ELFN2: variants seen among roughly 807,000 people sequenced by gnomAD.
The protein encoded by ELFN2 is protein phosphatase 1 regulatory subunit 29.
In ELFN2, 17 loss-of-function variants were observed where a neutral mutation model predicts 45.5. The observed-to-expected ratio is 0.37, with a 90% CI of 0.26 to 0.56. ELFN2 has a LOEUF of 0.56. Ranked by LOEUF, ELFN2 falls within the 20% of genes least tolerant of loss-of-function variation. The pLI, the probability that ELFN2 is intolerant of heterozygous loss-of-function variation, is 0.77. For synonymous variants in ELFN2, 550 were observed against 551.5 expected (o/e 1.00, Z 0.04); for missense variants, 922 against 1,183.2 (o/e 0.78, Z 3.24).
chr22:37,401,019 C>T (rs141097963), intron 2 of ELFN2, among the ~76,000 whole-genome samples: 17 of 152,360 alleles, frequency 1.1e-4, no homozygotes, highest in African/African-American at 3.4e-4. Context: ...ATGACCTCAA[C>T]AGACATGGCA....
chr22:37,386,359 T>C (rs917348299), intron 2 of ELFN2, among the ~76,000 whole-genome samples: 1 of 152,160 alleles, frequency 6.6e-6, no homozygotes, highest in African/African-American at 2.4e-5. Context: ...GACACCTGCC[T>C]GCTACGCCCC....
intron 1 of ELFN2, among the ~76,000 whole-genome samples, chr22:37,343,717 C>T (rs1241483374): frequency 2.0e-5 from 3 of 150,580 alleles, no homozygotes; most frequent in Admixed American, 6.6e-5. Context: ...ACCCACCCCC[C>T]CCGGACCCCA....
rs567728565 is a variant in ELFN2 at position 37,407,928 on chromosome 22, C to T, written c.-463+9841G>A. 2.6e-5 allele frequency among the ~76,000 whole-genome samples: 4 copies of T among 152,230 alleles called. No individual in the cohort carries two copies. The South Asian group carries it at 8.3e-4, about 32-fold the overall frequency. ...AAAGAAAGCGAGAAAAGGCCCCACC[C>T]AGCAATTAAACTGCAGATAATCCCA... On this transcript the variant is annotated intron_variant, in intron 2 of 2. Coordinates refer to ENST00000402918, the MANE Select transcript of ELFN2 (RefSeq NM_052906.5).
intron 1 of ELFN2, among the ~76,000 whole-genome samples, chr22:37,426,218 G>A (rs1408063748): frequency 6.6e-6 from 1 of 152,148 alleles, no homozygotes. Context: ...CGAGTACCAC[G>A]TTCCTCCCCA....
chr22:37,356,848 G>A (rs559168360), intron 1 of ELFN2, among the ~76,000 whole-genome samples: 3 of 152,184 alleles, frequency 2.0e-5, no homozygotes, highest in East Asian at 1.9e-4. Context: ...CAATATCATC[G>A]TCTTTTTAGG....
chr22:37,412,309 G>GAAAAA (rs1569143337), intron 2 of ELFN2, among the ~76,000 whole-genome samples: 8 of 148,390 alleles, frequency 5.4e-5, no homozygotes, highest in African/African-American at 2.0e-4. Context: ...AGAAAGAAAA[G>GAAAAA]GAAAAAAGAA....
intron 1 of ELFN2, among the ~76,000 whole-genome samples, chr22:37,423,603 AC>A (rs1932826631): frequency 6.6e-6 from 1 of 152,154 alleles, no homozygotes; most frequent in Non-Finnish European, 1.5e-5. Flanking sequence ...GTGGGACTAA[AC>A]GAATGCCGCC....
At chr22:37,406,407 A>G (rs1429137119) in intron 2 of ELFN2, among the ~76,000 whole-genome samples, 3 of 152,158 alleles carry the variant, frequency 2.0e-5, no homozygotes, top group African/African-American at 4.8e-5. Flanking sequence ...AGGGCTGCAC[A>G]TCTCGGGATT....
chr22:37,390,701 G>C (rs1189827646), intron 2 of ELFN2, among the ~76,000 whole-genome samples: 1 of 152,180 alleles, frequency 6.6e-6, no homozygotes, highest in East Asian at 1.9e-4. Context: ...GGCCAACCTG[G>C]CACAGCCAAG....
chr22:37,347,406 G>A (rs901685973), intron 1 of ELFN2, among the ~76,000 whole-genome samples: 6 of 152,074 alleles, frequency 3.9e-5, no homozygotes, highest in Admixed American at 6.5e-5. Flanking sequence ...ACAAGCTCCC[G>A]ATTACCTGGC....
intron 1 of ELFN2, among the ~76,000 whole-genome samples, chr22:37,361,686 A>G (rs540555103): frequency 5.9e-5 from 9 of 152,176 alleles, no homozygotes; most frequent in African/African-American, 1.9e-4. Flanking sequence ...CCTGGGCGTG[A>G]GTACAAAGGG....
chr22:37,341,236 C>A lies in ELFN2; in HGVS notation n.252-267G>T, dbSNP rs946369105. ...GGGTCGGGTGGGCCTCTGAGGCTCG[C>A]ATGGCAGGGGCGTAGGGCAGGAGCT... On this transcript the variant is annotated intron_variant and non_coding_transcript_variant, in intron 2 of 2. Coordinates refer to ENST00000452946, the Ensembl canonical transcript of ELFN2. Among the ~76,000 whole-genome samples the A allele has an allele frequency of 2.0e-5, 3 of 152,130 alleles. No homozygotes were observed. In the South Asian group the frequency reaches 6.2e-4, roughly 32 times the overall value.
intron 2 of ELFN2, among the ~76,000 whole-genome samples, chr22:37,390,551 G>A (rs187978615): frequency 6.6e-6 from 1 of 152,158 alleles, no homozygotes; most frequent in African/African-American, 2.4e-5. Flanking sequence ...CTCCCCATGG[G>A]GGTGAGCTCT....
intron 1 of ELFN2, among the ~76,000 whole-genome samples, chr22:37,424,554 C>T (rs1269756814): frequency 1.3e-5 from 2 of 152,188 alleles, no homozygotes; most frequent in Admixed American, 1.3e-4. Context: ...GACTCTTGGC[C>T]TTGGGCTCAT....
chr22:37,405,186 G>T (rs902250441), intron 2 of ELFN2, among the ~76,000 whole-genome samples: 1 of 147,190 alleles, frequency 6.8e-6, no homozygotes. Context: ...TCCGCCTCCC[G>T]GGTTCAAGCG....
intron 1 of ELFN2, among the ~76,000 whole-genome samples, chr22:37,360,993 C>G (rs1192288726): frequency 6.6e-6 from 1 of 152,102 alleles, no homozygotes; most frequent in Non-Finnish European, 1.5e-5. Context: ...ACTCGAGGCT[C>G]CACTGTCTCC....
intron 2 of ELFN2, among the ~76,000 whole-genome samples, chr22:37,411,653 G>A (rs951174315): frequency 2.0e-5 from 3 of 152,156 alleles, no homozygotes; most frequent in Non-Finnish European, 2.9e-5. Flanking sequence ...TACCTCCTAT[G>A]CTGGGTGGGT....
rs938504359 is a variant in ELFN2, at chr22:37,369,612, T to G, written c.*3460A>C. The G allele has an allele frequency of 6.6e-6, 1 of 152,276 alleles. No individual in the cohort carries two copies. Among genetic ancestry groups the G allele is most frequent in the African/African-American group, 2.4e-5 (1 of 41,466 alleles). 9.4% of individuals were successfully genotyped at this position (152,276 alleles called of 1,614,324 possible). Reference sequence around the variant, plus strand: ...TCTGTGTTTTGCTACTGGAAGGCCATAAGCTCCAACAGAGGGTTAGCTGCA... The same window carrying G: ...TCTGTGTTTTGCTACTGGAAGGCCAGAAGCTCCAACAGAGGGTTAGCTGCA... On this transcript the variant is annotated 3_prime_UTR_variant, in exon 3 of 3. Transcript: ENST00000402918.
intron 2 of ELFN2, among the ~76,000 whole-genome samples, chr22:37,392,516 C>T (rs954311399): frequency 2.6e-4 from 39 of 152,200 alleles, no homozygotes; most frequent in African/African-American, 9.4e-4. Context: ...GACAGGGTTT[C>T]ACCATGTTAG....
Sources: allele counts gnomAD v4.1 joint callset (sites outside exome capture counted in the v4.1 genomes callset), GRCh38; gene constraint gnomAD v4.1.1; transcripts MANE v1.5; gene names NCBI Gene and HGNC (gene_info 2026-07-23, HGNC 2026-07-21).